The following SUMF1 variants were observed in gnomAD, a reference collection of about 807,000 sequenced individuals.
SUMF1 encodes the protein formylglycine-generating enzyme.
In SUMF1, 48 loss-of-function variants were observed where a neutral mutation model predicts 47.6. The ratio of observed to expected loss-of-function variants is 1.01; its 90% CI spans 0.80 to 1.28. The LOEUF (loss-of-function observed/expected upper bound fraction) is 1.28. Ranked by LOEUF, SUMF1 falls within the 50% of genes most tolerant of loss-of-function variation. The pLI, the probability that SUMF1 is intolerant of heterozygous loss-of-function variation, is 0.00. For missense variants in SUMF1, 571 were observed against 485.4 expected (o/e 1.18, Z -1.66); for synonymous variants, 230 against 192.1 (o/e 1.20, Z -1.63).
intron 8 of SUMF1, among the ~76,000 whole-genome samples, chr3:4,365,624 TG>T (rs1699926315): frequency 6.8e-6 from 1 of 146,464 alleles, no homozygotes; most frequent in Non-Finnish European, 1.5e-5. Context: ...GCACGTGAGA[TG>T]GGTTTCCTGA....
At chr3:4,190,813 T>G (rs532719917) in intron 8 of SUMF1, among the ~76,000 whole-genome samples, 1 of 152,264 alleles carries the variant, frequency 6.6e-6, no homozygotes, top group South Asian at 2.1e-4. Context: ...GTTCACAGCC[T>G]ACTGAAGACC....
intron 8 of SUMF1, 130 bp downstream of exon 8, chr3:4,376,200 T>C (rs1700321591): frequency 8.9e-6 from 10 of 1,119,704 alleles, no homozygotes; most frequent in Non-Finnish European, 1.4e-5. Flanking sequence ...TCCTCCTTTT[T>C]TTCTGGTTTC....
intron 9 of SUMF1, among the ~76,000 whole-genome samples, chr3:4,066,413 A>G (rs1174091177): frequency 6.6e-6 from 1 of 152,152 alleles, no homozygotes; most frequent in Non-Finnish European, 1.5e-5. Context: ...GTCTCATAGA[A>G]TGATGTTTAT....
Position 4,369,548 on chromosome 3 carries a change from A to T in SUMF1, c.1014+6782T>A, listed in dbSNP as rs560450799. Among the ~76,000 whole-genome samples the T allele has an allele frequency of 2.6e-5, 4 of 152,310 alleles. No individual in the cohort carries two copies. The South Asian group carries it at 6.2e-4, about 24-fold the overall frequency. On this transcript the variant is annotated intron_variant, in intron 8 of 8. Transcript: ENST00000272902. ...CCACACTGCAACAAAGATCAGGTTC[A>T]GGGGGAGCTACACAGATGACATGTC...
At chr3:4,136,693 C>A (rs9756369) in intron 8 of SUMF1, among the ~76,000 whole-genome samples, 110,645 of 143,956 alleles carry the variant, frequency 0.77, 42,980 homozygotes, top group Admixed American at 0.82. Flanking sequence ...CAACCTACAA[C>A]ATGGGAGAAA....
chr3:4,215,190 T>G (rs1262064465), intron 8 of SUMF1, among the ~76,000 whole-genome samples: 1 of 152,178 alleles, frequency 6.6e-6, no homozygotes, highest in Non-Finnish European at 1.5e-5. Flanking sequence ...ATGAAATGCT[T>G]ATCCACCACG....
chr3:4,441,464 C>T (rs1702584783), intron 3 of SUMF1, among the ~76,000 whole-genome samples: 1 of 152,082 alleles, frequency 6.6e-6, no homozygotes, highest in African/African-American at 2.4e-5. Context: ...CATCCCAAAA[C>T]CATCCCCTCC....
chr3:4,054,406 C>T lies in SUMF1; in HGVS notation c.1191+14163G>A, dbSNP rs1695159650. ...AAAATAAAAATGAAAACCTTGCTGA[C>T]AACAGCAAAAAAGCTATGACAATCC... On this transcript the variant is annotated intron_variant and NMD_transcript_variant, in intron 9 of 12. Transcript: ENST00000448413. 1.3e-5 allele frequency among the ~76,000 whole-genome samples: 2 copies of T among 152,226 alleles called. 1 individual carries two copies. Among genetic ancestry groups the T allele is most frequent in the South Asian group, 4.2e-4 (2 of 4,814 alleles).
chr3:4,297,642 T>C (rs1434246348), intron 8 of SUMF1, among the ~76,000 whole-genome samples: 1 of 146,802 alleles, frequency 6.8e-6, no homozygotes. Flanking sequence ...CCTTGAGCCA[T>C]CCTCCATCCT....
intron 8 of SUMF1, among the ~76,000 whole-genome samples, chr3:4,259,688 A>T (rs1697042918): frequency 1.3e-5 from 2 of 152,154 alleles, no homozygotes; most frequent in African/African-American, 4.8e-5. Flanking sequence ...TCTGTATTCA[A>T]CTCTCTTTGC....
chr3:4,456,199 G>C (rs1395598605), intron 1 of SUMF1, among the ~76,000 whole-genome samples: 2 of 152,084 alleles, frequency 1.3e-5, no homozygotes, highest in Non-Finnish European at 2.9e-5. Flanking sequence ...GACAAGTTAG[G>C]CATTGAAGGA....
intron 1 of SUMF1, among the ~76,000 whole-genome samples, chr3:4,465,476 TAA>T (rs991984480): frequency 3.9e-4 from 51 of 131,226 alleles, no homozygotes; most frequent in Non-Finnish European, 6.4e-4. Context: ...AGACTCCGTC[TAA>T]AAAAAAAAAA....
At chr3:4,218,326 G>A (rs186971269) in intron 8 of SUMF1, among the ~76,000 whole-genome samples, 2 of 152,128 alleles carry the variant, frequency 1.3e-5, no homozygotes, top group Admixed American at 1.3e-4. Context: ...AAGCAAAAAT[G>A]GCAAAATGCA....
rs576539688 is a variant in SUMF1 at position 4,034,912 on chromosome 3, C to T, written c.1191+33657G>A. Among the ~76,000 whole-genome samples, 15 of 151,654 alleles carry T rather than the reference C, an allele frequency of 9.9e-5. No homozygotes were observed. In the East Asian group the frequency reaches 2.2e-3, roughly 22 times the overall value. ...ACTTGACAATGAGATCAGCAGATTA[C>T]GGTGTAAGATTGGGGAATAGTAAGT... On this transcript the variant is annotated intron_variant and NMD_transcript_variant, in intron 9 of 12. Transcript: ENST00000448413.
downstream of SUMF1, among the ~76,000 whole-genome samples, chr3:4,359,268 G>A (rs180723391): frequency 3.6e-4 from 55 of 152,210 alleles, no homozygotes; most frequent in Non-Finnish European, 2.2e-4. Context: ...CGGCTTGTTA[G>A]GATGTCATTT....
intron 8 of SUMF1, among the ~76,000 whole-genome samples, chr3:4,172,957 G>A (rs970808276): frequency 1.1e-4 from 16 of 152,052 alleles, no homozygotes; most frequent in Admixed American, 2.0e-4. Flanking sequence ...GTATTGCCTC[G>A]GTTTTCTTCT....
At chr3:4,317,444 A>G in intron 8 of SUMF1, 1 of 522,602 alleles carries the variant, frequency 1.9e-6, no homozygotes. Flanking sequence ...GCACTTTGGG[A>G]GGCCCAGGCG....
chr3:4,434,912 G>C (rs184680875), intron 3 of SUMF1, among the ~76,000 whole-genome samples: 11 of 152,208 alleles, frequency 7.2e-5, no homozygotes, highest in Admixed American at 6.5e-4. Flanking sequence ...CCAGAAGTTG[G>C]AATTATCAAA....
At chr3:4,197,486 A>G (rs182531871) in intron 8 of SUMF1, among the ~76,000 whole-genome samples, 38 of 152,226 alleles carry the variant, frequency 2.5e-4, no homozygotes, top group African/African-American at 8.7e-4. Context: ...TGACAGACGG[A>G]AGAAATAGTC....
Sources: allele counts gnomAD v4.1 joint callset (sites outside exome capture counted in the v4.1 genomes callset), GRCh38; gene constraint gnomAD v4.1.1; transcripts MANE v1.5; gene names NCBI Gene and HGNC (gene_info 2026-07-23, HGNC 2026-07-21).